CPED1: variants seen among roughly 807,000 people sequenced by gnomAD.
CPED1 encodes cadherin like and PC-esterase domain containing 1.
In CPED1, 114 loss-of-function variants were observed where a neutral mutation model predicts 128.2. The ratio of observed to expected loss-of-function variants is 0.89; its 90% CI spans 0.76 to 1.04. The LOEUF is 1.04. Among genes scored for constraint, CPED1 ranks in the 50% least tolerant of loss-of-function variants. The pLI is 0.00. For missense variants in CPED1, 1,211 were observed against 1,207.1 expected, an observed-to-expected ratio of 1.00 and a Z score of -0.05; for synonymous variants, 462 against 426.7, an observed-to-expected ratio of 1.08 and a Z score of -1.02.
chr7:121,020,437 A>G (rs1042246220), intron 3 of CPED1, among the ~76,000 whole-genome samples: 4 of 151,964 alleles, frequency 2.6e-5, no homozygotes, highest in African/African-American at 9.7e-5. Flanking sequence ...ATTGCAACAG[A>G]GTCTGTATGG....
At chr7:121,235,943 A>G (rs1462102345) in intron 16 of CPED1, among the ~76,000 whole-genome samples, 2 of 152,134 alleles carry the variant, frequency 1.3e-5, no homozygotes, top group South Asian at 2.1e-4. Flanking sequence ...CACGCCCTAA[A>G]TTGTGATAGA....
At chr7:121,137,556 A>G (rs1286734919) in intron 14 of CPED1, among the ~76,000 whole-genome samples, 1 of 152,100 alleles carries the variant, frequency 6.6e-6, no homozygotes, top group Non-Finnish European at 1.5e-5. Flanking sequence ...ATGATGTTTT[A>G]TCACTATTGT....
intron 16 of CPED1, among the ~76,000 whole-genome samples, chr7:121,217,014 G>A (rs911700058): frequency 1.3e-5 from 2 of 151,818 alleles, no homozygotes; most frequent in African/African-American, 2.4e-5. Context: ...GAGGTGGTTT[G>A]AGAATATTCC....
chr7:121,058,487 G>C (rs1793561106), intron 4 of CPED1, among the ~76,000 whole-genome samples: 1 of 152,126 alleles, frequency 6.6e-6, no homozygotes, highest in African/African-American at 2.4e-5. Context: ...TCTCCTTACT[G>C]CTTGCCAGGC....
intron 18 of CPED1, among the ~76,000 whole-genome samples, chr7:121,257,200 G>T (rs1317515): frequency 6.6e-6 from 1 of 151,526 alleles, no homozygotes; most frequent in Non-Finnish European, 1.5e-5. Flanking sequence ...GCACACATAC[G>T]CCATATCTGC....
Position 121,097,723 on chromosome 7 carries a change from C to G in CPED1, c.641C>G (p.Ser214Cys), listed in dbSNP as rs144800578. The G allele has an allele frequency of 4.4e-5, 71 of 1,613,686 alleles. No homozygotes were observed. The highest frequency in any genetic ancestry group is 5.9e-5 in the Non-Finnish European group (70 of 1,179,776). The stretch of plus-strand genomic sequence containing the variant: ...GAACTGCAACTTCCAGTGAGTCCCT[C>G]TGTGTGTCTGGATCAGGGAATGCAA... ...FPELQLPVSP[S>C]VCLDQGMQLK... The change falls in exon 6 of 23, where the codon TCT (serine) becomes TGT (cysteine). Residue 214 changes from serine to cysteine, a missense_variant. Ser to Cys is a moderately radical substitution (Grantham distance 112, BLOSUM62 -1). Transcript: ENST00000310396.
chr7:121,197,947 GC>G (rs1404720814), intron 16 of CPED1, among the ~76,000 whole-genome samples: 4 of 152,120 alleles, frequency 2.6e-5, no homozygotes, highest in African/African-American at 9.7e-5. Context: ...AGTAAGTGTG[GC>G]TTTTGTTTAA....
At chr7:121,103,424 G>T (rs1794899843) in intron 7 of CPED1, among the ~76,000 whole-genome samples, 1 of 152,080 alleles carries the variant, frequency 6.6e-6, no homozygotes, top group African/African-American at 2.4e-5. Context: ...AAAACAAGAG[G>T]ATATTTATTT....
At chr7:121,177,347 T>C (rs1167804617) in intron 16 of CPED1, among the ~76,000 whole-genome samples, 1 of 151,980 alleles carries the variant, frequency 6.6e-6, no homozygotes, top group African/African-American at 2.4e-5. Flanking sequence ...GCTTAGTTGA[T>C]ATTAGTTCTG....
chr7:121,073,061 G>A (rs1299894952), intron 5 of CPED1, among the ~76,000 whole-genome samples: 1 of 152,080 alleles, frequency 6.6e-6, no homozygotes, highest in Admixed American at 6.6e-5. Context: ...TTGAAGACTT[G>A]CCCATAACTT....
chr7:121,139,982 T>C (rs1369156711), intron 14 of CPED1, among the ~76,000 whole-genome samples: 4 of 152,086 alleles, frequency 2.6e-5, no homozygotes, highest in African/African-American at 4.8e-5. Flanking sequence ...AATGAAATAC[T>C]CCTTGACATT....
chr7:121,295,445 G>A lies in CPED1; in HGVS notation c.2874G>A (p.Val958=). 12 of 1,610,084 alleles carry A rather than the reference G, an allele frequency of 7.5e-6. No individual in the cohort carries two copies. Among genetic ancestry groups the A allele is most frequent in the Non-Finnish European group, 1.0e-5 (12 of 1,178,062 alleles). ...GKCGCHFHEV[V]KSKLSKEYNF... is the part of the protein sequence containing the mutation. ...TTCTTGCTCTTCATTTACAGGTAGT[G>A]AAATCAAAGTTATCCAAAGAATATA... Residue 958 remains valine (V), a synonymous_variant, in exon 23 of 23, where the codon GTG becomes GTA. Transcript: ENST00000310396.
At chr7:121,086,111 T>C (rs932941711) in intron 5 of CPED1, among the ~76,000 whole-genome samples, 4 of 152,210 alleles carry the variant, frequency 2.6e-5, no homozygotes, top group African/African-American at 9.6e-5. Context: ...CAGTATTTTG[T>C]AATGTTTCTG....
intron 16 of CPED1, among the ~76,000 whole-genome samples, chr7:121,193,528 T>A (rs1330612613): frequency 6.6e-6 from 1 of 152,144 alleles, no homozygotes; most frequent in Non-Finnish European, 1.5e-5. Flanking sequence ...TTTAATTGCT[T>A]CTTCTCATGG....
chr7:121,260,361 T>C lies in CPED1; in HGVS notation c.2311-5866T>C, dbSNP rs913403865. Among the ~76,000 whole-genome samples, 32 of 151,064 alleles carry C rather than the reference T, an allele frequency of 2.1e-4. 1 individual carries two copies. Among genetic ancestry groups the C allele is most frequent in the African/African-American group, 6.3e-4 (26 of 41,154 alleles). ...CATCCAACTTAATTAAAATGCACAA[T>C]TGGAAAACATTTATTGTAACCGCAT... On this transcript the variant is annotated intron_variant, in intron 18 of 22. Coordinates refer to ENST00000310396, the MANE Select transcript of CPED1 (RefSeq NM_024913.5).
chr7:121,297,339 C>G lies in CPED1; in HGVS notation c.*1687C>G, dbSNP rs1017444769. Reference sequence around the variant, plus strand: ...TAATTTTCTTTAGACCTAACTGTTACCATCTGACTGAGGTTACTCTGGTAT... The same window carrying G: ...TAATTTTCTTTAGACCTAACTGTTAGCATCTGACTGAGGTTACTCTGGTAT... On this transcript the variant is annotated 3_prime_UTR_variant, in exon 23 of 23. Coordinates refer to ENST00000310396, the MANE Select transcript of CPED1 (RefSeq NM_024913.5). 1.3e-5 allele frequency: 2 copies of G among 151,938 alleles called. No homozygotes were observed. Among genetic ancestry groups the G allele is most frequent in the African/African-American group, 4.8e-5 (2 of 41,404 alleles). 9.4% of individuals were successfully genotyped at this position (151,938 alleles called of 1,614,324 possible).
intron 17 of CPED1, among the ~76,000 whole-genome samples, chr7:121,241,070 G>T (rs1176181582): frequency 1.9e-5 from 1 of 51,980 alleles, no homozygotes; most frequent in Admixed American, 1.4e-4. Context: ...CAGGCCGGGC[G>T]CGGTGGCTCA....
At chr7:121,288,794 AG>A in intron 22 of CPED1, among the ~76,000 whole-genome samples, 1 of 152,178 alleles carries the variant, frequency 6.6e-6, no homozygotes, top group East Asian at 1.9e-4. Flanking sequence ...CACTTGCAAA[AG>A]CCAGAACTCT....
intron 4 of CPED1, among the ~76,000 whole-genome samples, chr7:121,063,127 C>T (rs1180070478): frequency 6.6e-6 from 1 of 152,168 alleles, no homozygotes; most frequent in Non-Finnish European, 1.5e-5. Flanking sequence ...AGCTAGGCTT[C>T]ATTCATACAG....
Sources: gnomAD v4.1 joint callset for allele counts (sites outside exome capture counted in the v4.1 genomes callset) on GRCh38, gnomAD v4.1.1 for gene constraint, MANE v1.5 for transcripts, NCBI Gene and HGNC (gene_info 2026-07-23, HGNC 2026-07-21) for gene names.